Variants in GLP1R observed in about 807,000 individuals in gnomAD.
GLP1R encodes the protein glucagon-like peptide 1 receptor.
GLP1R carries 32 observed loss-of-function variants against 68.4 expected under a neutral mutation model. The observed-to-expected ratio is 0.47, with a 90% confidence interval of 0.35 to 0.63. The LOEUF is 0.63. Among genes scored for constraint, GLP1R ranks in the 20% least tolerant of loss-of-function variants. The pLI is 0.00. For synonymous variants in GLP1R, 263 were observed against 244.4 expected (o/e 1.08, Z -0.71); for missense variants, 502 against 594.9 (o/e 0.84, Z 1.62).
chr6:39,073,172 G>A (rs1365892483), intron 6 of GLP1R, among the ~76,000 whole-genome samples, 157 bp downstream of exon 6: 1 of 152,146 alleles, frequency 6.6e-6, no homozygotes, highest in Non-Finnish European at 1.5e-5. Context: ...GTTCGCCTTG[G>A]GACCCTCCAG....
chr6:39,071,345 C>CAAAAA (rs35740935), intron 5 of GLP1R, among the ~76,000 whole-genome samples: 12 of 85,878 alleles, frequency 1.4e-4, no homozygotes, highest in Admixed American at 4.0e-4. Context: ...GATTCCATCT[C>CAAAAA]AAAAAAAAAA....
In GLP1R at chr6:39,048,793, A is replaced by T; in HGVS notation, c.-48A>T. 1 of 870,276 alleles carries T rather than the reference A, an allele frequency of 1.1e-6. No homozygotes were observed. Among genetic ancestry groups the T allele is most frequent in the Non-Finnish European group, 1.8e-6 (1 of 557,550 alleles). 53.9% of individuals were successfully genotyped at this position (870,276 alleles called of 1,614,324 possible). On this transcript the variant is annotated 5_prime_UTR_variant, in exon 1 of 13. Coordinates refer to ENST00000373256, the MANE Select transcript of GLP1R (RefSeq NM_002062.5). ...CCACCAGCCCGGGATCAGTCTCCGCACGCGGTTCCGCAGGTGGCAGCGATG... is the reference window on the plus strand; with the variant it reads ...CCACCAGCCCGGGATCAGTCTCCGCTCGCGGTTCCGCAGGTGGCAGCGATG...
At chr6:39,071,988 A>T (rs921756859) in intron 5 of GLP1R, among the ~76,000 whole-genome samples, 2 of 152,188 alleles carry the variant, frequency 1.3e-5, no homozygotes, top group Admixed American at 6.5e-5. Flanking sequence ...CTTCTGTTAG[A>T]CTCATTTCAA....
At chr6:39,050,582 C>T (rs1768064747) in intron 1 of GLP1R, among the ~76,000 whole-genome samples, 1 of 151,938 alleles carries the variant, frequency 6.6e-6, no homozygotes. Context: ...GGGGACAGGT[C>T]CTAGCAGGGA....
At chr6:39,068,883 A>G (rs1768587723) in intron 5 of GLP1R, among the ~76,000 whole-genome samples, 2 of 152,052 alleles carry the variant, frequency 1.3e-5, no homozygotes, top group South Asian at 4.2e-4. Flanking sequence ...TCCATTTTCT[A>G]CCCATACTAA....
chr6:39,087,275 GGA>G lies in GLP1R; in HGVS notation c.*1206_*1207del, dbSNP rs1246664772. 4.6e-5 allele frequency: 7 copies of G among 152,178 alleles called. No homozygotes were observed. The highest frequency in any genetic ancestry group is 1.7e-4 in the African/African-American group (7 of 41,424). 9.4% of individuals were successfully genotyped at this position (152,178 alleles called of 1,614,324 possible). ...ATCATGGTTGTAGTGATGTTGTTTG[GGA>G]GAGTGCAGTAGTAATTGATTTGACC... On this transcript the variant is annotated 3_prime_UTR_variant, in exon 13 of 13. Coordinates refer to ENST00000373256, the MANE Select transcript of GLP1R (RefSeq NM_002062.5).
intron 3 of GLP1R, among the ~76,000 whole-genome samples, chr6:39,065,050 A>G (rs1768465379): frequency 6.6e-6 from 1 of 152,216 alleles, no homozygotes; most frequent in African/African-American, 2.4e-5. Flanking sequence ...CCAAGGCTGC[A>G]TACGACCAAG....
At chr6:39,057,035 CT>C (rs1234856378) in intron 2 of GLP1R, among the ~76,000 whole-genome samples, 1 of 152,182 alleles carries the variant, frequency 6.6e-6, no homozygotes, top group Non-Finnish European at 1.5e-5. Context: ...GAAATCCTGA[CT>C]GTAATTATAA....
chr6:39,073,275 T>A (rs1768723408), intron 6 of GLP1R, among the ~76,000 whole-genome samples: 2 of 152,128 alleles, frequency 1.3e-5, no homozygotes, highest in Non-Finnish European at 2.9e-5. Context: ...AAAAGAGTAG[T>A]CTTTGGAGAC....
intron 7 of GLP1R, among the ~76,000 whole-genome samples, chr6:39,076,429 G>T (rs1768829647): frequency 6.6e-6 from 1 of 152,086 alleles, no homozygotes; most frequent in South Asian, 2.1e-4. Flanking sequence ...AAATCAATGG[G>T]CCAGGAGAGA....
chr6:39,054,484 G>A (rs1277763781), intron 1 of GLP1R, among the ~76,000 whole-genome samples: 2 of 152,134 alleles, frequency 1.3e-5, no homozygotes, highest in African/African-American at 4.8e-5. Flanking sequence ...CCAGTCTGAG[G>A]GGAGACACAG....
At position 39,056,382 on chromosome 6, in the gene GLP1R, A is replaced by T; in HGVS notation, c.79-15A>T. The T allele has an allele frequency of 6.9e-7, 1 of 1,453,310 alleles. No homozygotes were observed. Among genetic ancestry groups the T allele is most frequent in the African/African-American group, 1.4e-5 (1 of 72,020 alleles). 90.0% of individuals were successfully genotyped at this position (1,453,310 alleles called of 1,614,324 possible). A position where few individuals can be genotyped will look rare whatever the true frequency, so the allele number is the denominator to read the frequency against. On this transcript the variant is annotated splice_polypyrimidine_tract_variant and intron_variant, in intron 1 of 12. Transcript: ENST00000373256. ...GGCTGAACCCACAGGCCTCCCATAT[A>T]TGCCCTCCCCCCAGGGTGCCACTGT...
chr6:39,062,861 T>C (rs1341750122), intron 3 of GLP1R, among the ~76,000 whole-genome samples: 2 of 152,206 alleles, frequency 1.3e-5, no homozygotes, highest in African/African-American at 2.4e-5. Flanking sequence ...GTTCCTACCT[T>C]GAAAGGTGGT....
intron 1 of GLP1R, among the ~76,000 whole-genome samples, chr6:39,050,217 GT>G (rs1233630862): frequency 6.6e-6 from 1 of 152,140 alleles, no homozygotes; most frequent in African/African-American, 2.4e-5. Context: ...CCAGGCCTTG[GT>G]TTTCCTGGTG....
chr6:39,065,949 C>T, intron 4 of GLP1R, 120 bp downstream of exon 4: 1 of 677,412 alleles, frequency 1.5e-6, no homozygotes. Flanking sequence ...ATCTCCTTGC[C>T]TCTGGGGGCT....
intron 3 of GLP1R, among the ~76,000 whole-genome samples, chr6:39,060,530 C>T (rs1381089231): frequency 7.9e-5 from 12 of 152,168 alleles, no homozygotes. Context: ...AGCTGGGCTA[C>T]AATGGAGAAG....
chr6:39,081,411 G>C (rs1769009700), intron 12 of GLP1R, among the ~76,000 whole-genome samples: 1 of 152,188 alleles, frequency 6.6e-6, no homozygotes, highest in Admixed American at 6.5e-5. Flanking sequence ...GTGGCTTTCT[G>C]GTGCTAGGAT....
chr6:39,062,439 G>A (rs939805747), intron 3 of GLP1R, among the ~76,000 whole-genome samples: 1 of 152,252 alleles, frequency 6.6e-6, no homozygotes, highest in Admixed American at 6.5e-5. Flanking sequence ...TGTTAATGAA[G>A]GGTAATTGAC....
At chr6:39,067,883 G>A (rs1768557615) in intron 5 of GLP1R, among the ~76,000 whole-genome samples, 1 of 152,196 alleles carries the variant, frequency 6.6e-6, no homozygotes, top group Non-Finnish European at 1.5e-5. Context: ...GAAGTTATGT[G>A]CTTCCAAAAT....
Sources: gnomAD v4.1 joint callset for allele counts (sites outside exome capture counted in the v4.1 genomes callset) on GRCh38, gnomAD v4.1.1 for gene constraint, MANE v1.5 for transcripts, NCBI Gene and HGNC (gene_info 2026-07-23, HGNC 2026-07-21) for gene names.